Variants in MDGA2 observed in about 807,000 individuals in gnomAD.
MDGA2 encodes MAM domain-containing glycosylphosphatidylinositol anchor protein 2.
Under a neutral mutation model 117.8 loss-of-function variants are expected in MDGA2, and 40 were observed. The observed-to-expected ratio is 0.34, with a 90% CI of 0.26 to 0.44. The LOEUF (loss-of-function observed/expected upper bound fraction) is 0.44. Ranked by LOEUF, MDGA2 falls within the 20% of genes least tolerant of loss-of-function variation. MDGA2 has a pLI of 1.00. For synonymous variants in MDGA2, 452 were observed against 439.0 expected (o/e 1.03, Z -0.37); for missense variants, 1,123 against 1,250.6 (o/e 0.90, Z 1.54).
At position 47,117,364 on chromosome 14, in the gene MDGA2, T is replaced by C. The variant is rs553653582; in HGVS notation, c.925+14350A>G. 3.2e-4 allele frequency among the ~76,000 whole-genome samples: 48 copies of C among 152,248 alleles called. 1 individual carries two copies. The highest frequency in any genetic ancestry group is 4.9e-4 in the Non-Finnish European group (33 of 67,988). On this transcript the variant is annotated intron_variant, in intron 5 of 16. Coordinates refer to ENST00000399232, the MANE Select transcript of MDGA2 (RefSeq NM_001113498.3). ...TTCCTCAAAATATTAAAACTGTGTC[T>C]ACCATATGACCCAGTAATCCTACTT...
At chr14:47,579,718 TA>T (rs1555333613) in intron 1 of MDGA2, among the ~76,000 whole-genome samples, 1 of 152,014 alleles carries the variant, frequency 6.6e-6, no homozygotes, top group Non-Finnish European at 1.5e-5. Context: ...CTAAAAATAA[TA>T]AAAATCATGA....
chr14:46,929,135 G>C (rs201388680), intron 9 of MDGA2, among the ~76,000 whole-genome samples: 1 of 152,080 alleles, frequency 6.6e-6, no homozygotes, highest in Admixed American at 6.6e-5. Flanking sequence ...TGAGAGTTCA[G>C]AATATGCTAA....
chr14:47,665,625 C>T (rs1426152479), intron 1 of MDGA2, among the ~76,000 whole-genome samples: 10 of 152,146 alleles, frequency 6.6e-5, no homozygotes, highest in Admixed American at 6.5e-5. Flanking sequence ...GCACTCGGAG[C>T]GGCCTGCTGG....
chr14:46,858,693 C>T (rs577914745), intron 14 of MDGA2, among the ~76,000 whole-genome samples: 2 of 152,156 alleles, frequency 1.3e-5, no homozygotes, highest in Non-Finnish European at 2.9e-5. Context: ...TCTCAAAGTG[C>T]TGGGATTACA....
intron 1 of MDGA2, among the ~76,000 whole-genome samples, chr14:47,505,408 A>T (rs1308246424): frequency 6.6e-6 from 1 of 152,160 alleles, no homozygotes; most frequent in East Asian, 1.9e-4. Context: ...TGCACTAACT[A>T]CCCTGACTGA....
At chr14:47,493,515 C>G (rs1313958124) in intron 1 of MDGA2, among the ~76,000 whole-genome samples, 1 of 151,756 alleles carries the variant, frequency 6.6e-6, no homozygotes, top group Non-Finnish European at 1.5e-5. Flanking sequence ...TGAAGTTTCA[C>G]CGTGTTGTCC....
intron 1 of MDGA2, among the ~76,000 whole-genome samples, chr14:47,620,104 T>C (rs1052828595): frequency 3.3e-5 from 5 of 152,212 alleles, no homozygotes; most frequent in African/African-American, 1.2e-4. Context: ...GAAGGATGGA[T>C]ATGAGGACCT....
At chr14:47,109,429 C>G (rs979220060) in intron 5 of MDGA2, among the ~76,000 whole-genome samples, 1 of 152,172 alleles carries the variant, frequency 6.6e-6, no homozygotes, top group Non-Finnish European at 1.5e-5. Context: ...ATAATACCCC[C>G]TCATTAGGAC....
chr14:47,214,134 C>G (rs61995420), intron 3 of MDGA2, among the ~76,000 whole-genome samples: 3,420 of 152,048 alleles, frequency 0.022, 42 homozygotes, highest in Non-Finnish European at 0.034. Flanking sequence ...TCCCTTGACA[C>G]GTGGAGATTA....
At chr14:47,571,137 CA>C (rs1443967612) in intron 1 of MDGA2, among the ~76,000 whole-genome samples, 2 of 152,010 alleles carry the variant, frequency 1.3e-5, no homozygotes, top group Non-Finnish European at 2.9e-5. Flanking sequence ...TTTATGCAGC[CA>C]ACAAACATGA....
At chr14:47,202,502 T>C (rs974065772) in intron 3 of MDGA2, among the ~76,000 whole-genome samples, 5 of 152,220 alleles carry the variant, frequency 3.3e-5, no homozygotes, top group Non-Finnish European at 5.9e-5. Context: ...ACAATCCTTC[T>C]TGGAGCTTTT....
chr14:47,624,978 T>G (rs1299489392), intron 1 of MDGA2, among the ~76,000 whole-genome samples: 1 of 152,184 alleles, frequency 6.6e-6, no homozygotes, highest in Non-Finnish European at 1.5e-5. Flanking sequence ...ACTATTCACT[T>G]GACATCTAAA....
rs546069945 is a variant in MDGA2 at position 47,005,375 on chromosome 14, T to C, written c.1819+29636A>G. 2.0e-5 allele frequency among the ~76,000 whole-genome samples: 3 copies of C among 151,724 alleles called. No individual in the cohort carries two copies. In the South Asian group the frequency reaches 6.2e-4, roughly 31 times the overall value. ...GCACTTATTGAAAGAAGCATACGGA[T>C]TTTTTTCTTCAGTTTATTAACATGA... On this transcript the variant is annotated intron_variant, in intron 8 of 16. Coordinates refer to ENST00000399232, the MANE Select transcript of MDGA2 (RefSeq NM_001113498.3).
intron 1 of MDGA2, among the ~76,000 whole-genome samples, chr14:47,564,284 G>A (rs867388621): frequency 3.3e-5 from 5 of 152,096 alleles, no homozygotes; most frequent in African/African-American, 1.2e-4. Context: ...TTCTGAATTT[G>A]ACTGTTGATG....
intron 8 of MDGA2, chr14:46,996,633 T>C (rs1360618755): frequency 6.5e-6 from 1 of 153,716 alleles, no homozygotes; most frequent in Non-Finnish European, 1.4e-5. Flanking sequence ...TAATTAGATA[T>C]TGCAGAGAGG....
intron 1 of MDGA2, among the ~76,000 whole-genome samples, chr14:47,626,726 C>A (rs1897150550): frequency 6.6e-6 from 1 of 152,208 alleles, no homozygotes; most frequent in Non-Finnish European, 1.5e-5. Flanking sequence ...TTGGATTTCT[C>A]CCCGGCCCTT....
chr14:47,117,366 C>T (rs7145994), intron 5 of MDGA2, among the ~76,000 whole-genome samples: 46,601 of 151,914 alleles, frequency 0.31, 7,714 homozygotes, highest in African/African-American at 0.42. Flanking sequence ...ACTGTGTCTA[C>T]CATATGACCC....
chr14:47,656,512 T>C (rs1317451096), intron 1 of MDGA2, among the ~76,000 whole-genome samples: 1 of 152,138 alleles, frequency 6.6e-6, no homozygotes, highest in Non-Finnish European at 1.5e-5. Flanking sequence ...ATAAGTTGTA[T>C]GGAAAGAGAA....
chr14:47,315,677 C>G (rs1406500558), intron 1 of MDGA2, among the ~76,000 whole-genome samples: 1 of 152,180 alleles, frequency 6.6e-6, no homozygotes. Context: ...CAAGGAATGA[C>G]CAAGCTCATT....
Sources: gnomAD v4.1 joint callset for allele counts (sites outside exome capture counted in the v4.1 genomes callset) on GRCh38, gnomAD v4.1.1 for gene constraint, MANE v1.5 for transcripts, NCBI Gene and HGNC (gene_info 2026-07-23, HGNC 2026-07-21) for gene names.